Variants in MAP3K21 observed in about 807,000 individuals in gnomAD.
MAP3K21 encodes mitogen-activated protein kinase kinase kinase MLK4.
MAP3K21 carries 63 observed loss-of-function variants against 86.1 expected under a neutral mutation model. The ratio of observed to expected loss-of-function variants is 0.73; its 90% CI spans 0.60 to 0.90. The LOEUF is 0.90. Among genes scored for constraint, MAP3K21 ranks in the 40% least tolerant of loss-of-function variants. MAP3K21 has a pLI of 0.00. For missense variants in MAP3K21, 1,220 were observed against 1,367.7 expected, an observed-to-expected ratio of 0.89 and a Z score of 1.70; for synonymous variants, 558 against 564.8, an observed-to-expected ratio of 0.99 and a Z score of 0.17.
intron 4 of MAP3K21, among the ~76,000 whole-genome samples, chr1:233,355,668 C>A (rs978561563): frequency 1.3e-5 from 2 of 152,026 alleles, no homozygotes; most frequent in African/African-American, 4.8e-5. Context: ...CTGTGCCTTC[C>A]CTCCTTCTTT....
chr1:233,362,003 C>G, intron 4 of MAP3K21, 50 bp from the exon 5 acceptor site: 1 of 1,589,246 alleles, frequency 6.3e-7, no homozygotes, highest in South Asian at 1.1e-5. Context: ...AGACGGAATT[C>G]CCTTCTTCCT....
chr1:233,353,849 C>G lies in MAP3K21; in HGVS notation c.1029C>G (p.Pro343=). 1.2e-6 allele frequency: 2 copies of G among 1,610,880 alleles called. No individual in the cohort carries two copies. Among genetic ancestry groups the G allele is most frequent in the Non-Finnish European group, 1.7e-6 (2 of 1,178,934 alleles). Residue 343 remains proline (P), a synonymous_variant, in exon 3 of 10, where the codon CCC becomes CCG. Coordinates refer to ENST00000366624, the MANE Select transcript of MAP3K21 (RefSeq NM_032435.3). ...GGGAACTGCTCACCGGAGAAGTCCCCTATCGGGGCATTGATGGCCTCGCCG... is the reference window on the plus strand; with the variant it reads ...GGGAACTGCTCACCGGAGAAGTCCCGTATCGGGGCATTGATGGCCTCGCCG... The part of the protein sequence containing the change: ...LLWELLTGEV[P]YRGIDGLAVA...
At position 233,328,179 on chromosome 1, in the gene MAP3K21, G is replaced by GTA; in HGVS notation, c.151_152insTA (p.Ala51ValfsTer8). 12 of 1,478,986 alleles carry GTA rather than the reference G, an allele frequency of 8.1e-6. No individual in the cohort carries two copies. Among genetic ancestry groups the GTA allele is most frequent in the Non-Finnish European group, 1.1e-5 (12 of 1,122,452 alleles). 91.6% of individuals were successfully genotyped at this position (1,478,986 alleles called of 1,614,324 possible). ...GTGGGCCGCGCTCTATGACTACGAG[G>GTA]CTCGCGGCGAGGACGAGCTGAGCCT... On this transcript the variant is annotated frameshift_variant, in exon 1 of 10. Coordinates refer to ENST00000366624, the MANE Select transcript of MAP3K21 (RefSeq NM_032435.3). LOFTEE classifies it high-confidence loss of function. This position sits in a 1 kb window ranked among gnomAD's most constrained non-coding sequence, Gnocchi z 8.7.
chr1:233,354,241 A>G (rs1004350385), intron 3 of MAP3K21, among the ~76,000 whole-genome samples: 3 of 152,196 alleles, frequency 2.0e-5, no homozygotes, highest in African/African-American at 7.2e-5. Flanking sequence ...GTAGAGTTCA[A>G]ATACAGTATT....
At chr1:233,350,633 T>C (rs1663234623) in intron 2 of MAP3K21, among the ~76,000 whole-genome samples, 1 of 152,234 alleles carries the variant, frequency 6.6e-6, no homozygotes, top group Non-Finnish European at 1.5e-5. Flanking sequence ...AGAGTAATTG[T>C]CTTATGCACT....
chr1:233,361,316 A>G (rs1392434483), intron 4 of MAP3K21, among the ~76,000 whole-genome samples: 1 of 152,204 alleles, frequency 6.6e-6, no homozygotes, highest in East Asian at 1.9e-4. Flanking sequence ...ATCATAAGAG[A>G]GGAACTTTTG....
intron 5 of MAP3K21, among the ~76,000 whole-genome samples, chr1:233,366,485 C>G (rs984780862): frequency 2.0e-5 from 3 of 152,022 alleles, no homozygotes; most frequent in Admixed American, 6.5e-5. Flanking sequence ...TTTTATGGGT[C>G]AACAAAAAGA....
At chr1:233,361,796 C>T (rs1168735817) in intron 4 of MAP3K21, among the ~76,000 whole-genome samples, 1 of 152,112 alleles carries the variant, frequency 6.6e-6, no homozygotes, top group Admixed American at 6.5e-5. Context: ...AGGAGACTGG[C>T]GTTTGTGCAG....
Position 233,328,946 on chromosome 1 carries a change from C to A in MAP3K21, c.805+113C>A. 2 of 1,094,546 alleles carry A rather than the reference C, an allele frequency of 1.8e-6. No individual in the cohort carries two copies. The highest frequency in any genetic ancestry group is 2.3e-6 in the Non-Finnish European group (2 of 856,950). The allele number at this position is 1,094,546 out of a possible 1,614,324, so 67.8% of individuals were successfully genotyped here. A position where few individuals can be genotyped will look rare whatever the true frequency, so the allele number is the denominator to read the frequency against. On this transcript the variant is annotated intron_variant, in intron 1 of 9. Transcript: ENST00000366624. This position sits in a 1 kb window ranked among gnomAD's most constrained non-coding sequence, Gnocchi z 8.7. ...GTGGGAGTCAGCCTTAGGGCGCCAG[C>A]AGCAACTCATGCCCAGGCCTTCAGG...
chr1:233,346,335 G>A (rs917373004), intron 1 of MAP3K21, 107 bp from the exon 2 acceptor site: 2 of 835,240 alleles, frequency 2.4e-6, no homozygotes, highest in South Asian at 1.8e-5. Flanking sequence ...GTTTATTCTT[G>A]TTTATTCTGC....
chr1:233,376,155 C>T (rs1385129610), intron 7 of MAP3K21, 89 bp downstream of exon 7: 5 of 1,132,360 alleles, frequency 4.4e-6, no homozygotes, highest in Admixed American at 2.5e-5. Context: ...TTTCAAAAAG[C>T]AAGTAAATTA....
intron 1 of MAP3K21, among the ~76,000 whole-genome samples, chr1:233,341,858 A>G (rs1663044665): frequency 6.6e-6 from 1 of 152,180 alleles, no homozygotes; most frequent in African/African-American, 2.4e-5. Context: ...TTGAGAAACA[A>G]AGTTTTATAG....
Position 233,362,096 on chromosome 1 carries a change from A to C in MAP3K21, c.1355A>C (p.Gln452Pro). The C allele has an allele frequency of 1.2e-6, 2 of 1,613,574 alleles. No individual in the cohort carries two copies. The highest frequency in any genetic ancestry group is 1.7e-4 in the Middle Eastern group (1 of 6,030). ...GAGGAGCTGACTCGGGCGGCTCTGC[A>C]GCAGAAGTCTCAGGAGGAGCTGCTA... ...REEELTRAAL[Q>P]QKSQEELLKR... The change falls in exon 5 of 10, where the codon CAG becomes CCG. Residue 452 changes from glutamine to proline, a missense_variant. Around this residue, in one of 5 missense-constraint regions of MAP3K21, gnomAD observed 126 missense variants for 127.7 expected, o/e 0.99. Coordinates refer to ENST00000366624, the MANE Select transcript of MAP3K21 (RefSeq NM_032435.3).
In MAP3K21 at chr1:233,328,938, G is replaced by A; in HGVS notation, c.805+105G>A. 8.6e-7 allele frequency: 1 copy of A among 1,156,556 alleles called. No individual in the cohort carries two copies. 71.6% of individuals were successfully genotyped at this position (1,156,556 alleles called of 1,614,324 possible). ...GGAAAGAGGTGGGAGTCAGCCTTAG[G>A]GCGCCAGCAGCAACTCATGCCCAGG... On this transcript the variant is annotated intron_variant, in intron 1 of 9. Transcript: ENST00000366624. The surrounding 1 kb of genome is among the most constrained non-coding windows in gnomAD (Gnocchi z 8.7).
At chr1:233,380,821 G>C (rs1322615833) in intron 9 of MAP3K21, among the ~76,000 whole-genome samples, 1 of 152,188 alleles carries the variant, frequency 6.6e-6, no homozygotes, top group African/African-American at 2.4e-5. Context: ...CAATTAGGAA[G>C]TAGTGGTGTC....
chr1:233,336,644 A>G (rs185006141), intron 1 of MAP3K21, among the ~76,000 whole-genome samples: 140 of 152,344 alleles, frequency 9.2e-4, no homozygotes, highest in African/African-American at 3.3e-3. Context: ...AGATTCTACC[A>G]TTAACATTTC....
rs1663869259 is a variant in MAP3K21, at chr1:233,379,398, G to A, written c.2392G>A (p.Ala798Thr). 1.2e-6 allele frequency: 2 copies of A among 1,614,074 alleles called. No individual in the cohort carries two copies. Among genetic ancestry groups the A allele is most frequent in the African/African-American group, 1.3e-5 (1 of 74,918 alleles). The part of the protein sequence containing the change: ...SSPPSLPLSS[A>T]LGILSTPSFS... ...CCCACCCTCCCTGCCACTGTCAAGT[G>A]CCCTGGGCATCCTCTCCACACCTTC... The change falls in exon 9 of 10, where the codon GCC (alanine) becomes ACC (threonine). Residue 798 changes from alanine to threonine, a missense_variant. Ala to Thr is a moderately conservative substitution (Grantham distance 58, BLOSUM62 0). Around this residue, in one of 5 missense-constraint regions of MAP3K21, gnomAD observed 632 missense variants for 691.3 expected, o/e 0.91. Coordinates refer to ENST00000366624, the MANE Select transcript of MAP3K21 (RefSeq NM_032435.3).
At chr1:233,368,169 A>G (rs934717101) in intron 5 of MAP3K21, among the ~76,000 whole-genome samples, 3 of 152,146 alleles carry the variant, frequency 2.0e-5, no homozygotes, top group Non-Finnish European at 4.4e-5. Flanking sequence ...AAGTTCTCAG[A>G]GCATTTGTTT....
At chr1:233,342,747 AG>A (rs1663060272) in intron 1 of MAP3K21, among the ~76,000 whole-genome samples, 1 of 152,120 alleles carries the variant, frequency 6.6e-6, no homozygotes, top group Non-Finnish European at 1.5e-5. Context: ...GAAGAATGAA[AG>A]GTTATTTCAA....
Sources: allele counts gnomAD v4.1 joint callset (sites outside exome capture counted in the v4.1 genomes callset), GRCh38; gene constraint gnomAD v4.1.1; regional missense constraint gnomAD v4.1.1; non-coding constraint Gnocchi (gnomAD v3.1); transcripts MANE v1.5; gene names NCBI Gene and HGNC (gene_info 2026-07-23, HGNC 2026-07-21).